Variants in CDC14A observed in about 807,000 individuals in gnomAD.
The protein encoded by CDC14A is dual specificity protein phosphatase CDC14A.
Under a neutral mutation model 74.4 loss-of-function variants are expected in CDC14A, and 53 were observed. The ratio of observed to expected loss-of-function variants is 0.71; its 90% confidence interval spans 0.57 to 0.89. CDC14A has a LOEUF of 0.89. Ranked by LOEUF, CDC14A falls within the 40% of genes least tolerant of loss-of-function variation. CDC14A has a pLI of 0.00. For missense variants in CDC14A, 646 were observed against 713.7 expected (o/e 0.91, Z 1.08); for synonymous variants, 247 against 258.4 (o/e 0.96, Z 0.43).
At chr1:100,391,234 C>T (rs1657659284) in intron 4 of CDC14A, among the ~76,000 whole-genome samples, 1 of 152,118 alleles carries the variant, frequency 6.6e-6, no homozygotes, top group Non-Finnish European at 1.5e-5. Context: ...TTAGATTGCA[C>T]AGGGGAGGAT....
chr1:100,484,923 G>T, intron 11 of CDC14A: 7 of 972,262 alleles, frequency 7.2e-6, no homozygotes, highest in Non-Finnish European at 6.1e-6. Context: ...GTAAATAGTT[G>T]ATATATATTG....
intron 2 of CDC14A, among the ~76,000 whole-genome samples, chr1:100,355,949 G>C (rs1651825531): frequency 6.6e-6 from 1 of 152,204 alleles, no homozygotes; most frequent in South Asian, 2.1e-4. Context: ...TTCAGCAAAG[G>C]CTTCGTGGAA....
chr1:100,483,619 T>C (rs1008796474), intron 10 of CDC14A, among the ~76,000 whole-genome samples: 38 of 152,182 alleles, frequency 2.5e-4, no homozygotes, highest in Non-Finnish European at 3.2e-4. Flanking sequence ...AATAAAATCC[T>C]CAGAATGTCA....
chr1:100,498,095 T>G lies in CDC14A; in HGVS notation c.1309T>G (p.Ser437Ala). 4 of 1,613,176 alleles carry G rather than the reference T, an allele frequency of 2.5e-6. No homozygotes were observed. The South Asian group carries it at 4.4e-5, about 18-fold the overall frequency. Residue 437 changes from serine to alanine, a missense_variant, in exon 14 of 16, where the codon TCC becomes GCC. Ser to Ala is a moderately conservative substitution (Grantham distance 99, BLOSUM62 1). Transcript: ENST00000336454. ...TTTTTCTCCGCAAAGATTAAGTTCA[T>G]CCCTGCAAGGATCTGCAGTTACTTT... Reference protein sequence around the residue: ...AVSQPFRLSSSLQGSAVTLKT... With the variant: ...AVSQPFRLSSALQGSAVTLKT...
intron 15 of CDC14A, among the ~76,000 whole-genome samples, chr1:100,506,342 T>C (rs1221836473): frequency 6.6e-6 from 1 of 152,202 alleles, no homozygotes; most frequent in Admixed American, 6.5e-5. Flanking sequence ...TAAGGGATAC[T>C]AACTACATAT....
intron 7 of CDC14A, among the ~76,000 whole-genome samples, chr1:100,445,820 G>C (rs1032598382): frequency 3.9e-5 from 6 of 152,160 alleles, no homozygotes; most frequent in African/African-American, 1.4e-4. Context: ...GTGAAGACTT[G>C]ATGTTGTCAA....
At chr1:100,360,849 T>C (rs150443488) in intron 2 of CDC14A, among the ~76,000 whole-genome samples, 39 of 151,150 alleles carry the variant, frequency 2.6e-4, no homozygotes, top group Non-Finnish European at 5.0e-4. Context: ...CTAAGGAGAG[T>C]TATCTTAACA....
chr1:100,499,542 A>G, intron 15 of CDC14A: 1 of 953,594 alleles, frequency 1.0e-6, no homozygotes, highest in Non-Finnish European at 1.5e-6. Flanking sequence ...AATAGCTTTC[A>G]TTCTTTTGAT....
At chr1:100,390,269 T>C (rs1333157399) in intron 3 of CDC14A, among the ~76,000 whole-genome samples, 1 of 152,194 alleles carries the variant, frequency 6.6e-6, no homozygotes, top group Non-Finnish European at 1.5e-5. Context: ...AAAATACTAA[T>C]ATTGGTCTTC....
chr1:100,382,390 A>ATT lies in CDC14A; in HGVS notation c.216+4789_216+4790dup, dbSNP rs59014809. 7.5e-3 allele frequency among the ~76,000 whole-genome samples: 866 copies of ATT among 115,246 alleles called. 17 individuals are homozygous for ATT. The highest frequency in any genetic ancestry group is 0.027 in the African/African-American group (824 of 30,814). 75.6% of individuals were successfully genotyped at this position (115,246 alleles called of 152,430 possible). On this transcript the variant is annotated intron_variant, in intron 3 of 15. Transcript: ENST00000336454. Reference sequence around the variant, plus strand: ...ACTTCTGCACCCCACCCAGCTAACTATTTTTTTTTTTTTTTTTTTTTAGTT... The same window carrying ATT: ...ACTTCTGCACCCCACCCAGCTAACTATTTTTTTTTTTTTTTTTTTTTTTAGTT...
chr1:100,435,697 C>T (rs560280401), intron 5 of CDC14A, among the ~76,000 whole-genome samples: 27 of 152,092 alleles, frequency 1.8e-4, no homozygotes, highest in African/African-American at 6.0e-4. Context: ...GGCATGGTGG[C>T]AGGCGCCTGT....
At chr1:100,366,104 G>T (rs562376546) in intron 2 of CDC14A, among the ~76,000 whole-genome samples, 4 of 152,164 alleles carry the variant, frequency 2.6e-5, no homozygotes, top group Non-Finnish European at 5.9e-5. Flanking sequence ...TAGGCTTTTA[G>T]TAACTATTTG....
intron 10 of CDC14A, among the ~76,000 whole-genome samples, chr1:100,477,825 C>T (rs1260881283): frequency 2.0e-5 from 3 of 152,106 alleles, no homozygotes; most frequent in Non-Finnish European, 4.4e-5. Context: ...TCAATCAGTG[C>T]TTTTTAGAGA....
At chr1:100,502,348 T>C (rs1293991404) in intron 15 of CDC14A, among the ~76,000 whole-genome samples, 1 of 152,230 alleles carries the variant, frequency 6.6e-6, no homozygotes, top group Non-Finnish European at 1.5e-5. Context: ...CTATTTTCTA[T>C]GTTTAGGTAT....
chr1:100,384,784 T>C (rs1017452883), intron 3 of CDC14A, among the ~76,000 whole-genome samples: 1 of 152,238 alleles, frequency 6.6e-6, no homozygotes, highest in Non-Finnish European at 1.5e-5. Flanking sequence ...TTCAATTTTG[T>C]CTTCTTTTAA....
At chr1:100,363,823 G>A (rs1050156257) in intron 2 of CDC14A, among the ~76,000 whole-genome samples, 5 of 152,062 alleles carry the variant, frequency 3.3e-5, no homozygotes, top group Non-Finnish European at 5.9e-5. Flanking sequence ...AATAATTTAC[G>A]GAAACCTTTC....
At chr1:100,377,882 A>T (rs1030133521) in intron 3 of CDC14A, among the ~76,000 whole-genome samples, 2 of 152,240 alleles carry the variant, frequency 1.3e-5, no homozygotes, top group Admixed American at 6.5e-5. Flanking sequence ...GAAAGCACAA[A>T]TCCTTTTAGG....
chr1:100,423,793 G>A (rs1176929639), intron 4 of CDC14A: 1 of 166,614 alleles, frequency 6.0e-6, no homozygotes, highest in African/African-American at 2.4e-5. Flanking sequence ...TGAAAATTCA[G>A]TAGATACCCC....
chr1:100,391,766 T>A (rs914003722), intron 4 of CDC14A, among the ~76,000 whole-genome samples: 5 of 152,300 alleles, frequency 3.3e-5, no homozygotes, highest in African/African-American at 1.2e-4. Flanking sequence ...CCCAGCAGTA[T>A]TGCTGGAAAA....
Sources: gnomAD v4.1 joint callset for allele counts (sites outside exome capture counted in the v4.1 genomes callset) on GRCh38, gnomAD v4.1.1 for gene constraint, MANE v1.5 for transcripts, NCBI Gene and HGNC (gene_info 2026-07-23, HGNC 2026-07-21) for gene names.